Variants in CNNM2 observed in about 807,000 individuals in gnomAD.
The protein encoded by CNNM2 is cyclin and CBS domain divalent metal cation transport mediator 2, also known as metal transporter CNNM2.
Under a neutral mutation model 66.9 loss-of-function variants are expected in CNNM2, and 12 were observed. That is an observed-to-expected ratio of 0.18 (90% CI 0.11 to 0.29). The LOEUF (loss-of-function observed/expected upper bound fraction) is 0.29, where lower values mean the gene tolerates loss of function less well. CNNM2 is among the 10% of genes least tolerant of loss of function. The pLI is 1.00. For missense variants in CNNM2, 705 were observed against 1,167.7 expected (o/e 0.60, Z 5.77); for synonymous variants, 557 against 501.8 (o/e 1.11, Z -1.47).
intron 1 of CNNM2, among the ~76,000 whole-genome samples, chr10:102,948,119 A>G (rs1846687631): frequency 1.3e-5 from 2 of 152,182 alleles, no homozygotes; most frequent in East Asian, 1.9e-4. Context: ...GTAATTTTCT[A>G]TTATCAGGTT....
At chr10:103,032,925 C>T (rs1476440518) in intron 1 of CNNM2, among the ~76,000 whole-genome samples, 1 of 151,456 alleles carries the variant, frequency 6.6e-6, no homozygotes, top group Non-Finnish European at 1.5e-5. Flanking sequence ...TGAGACCAGC[C>T]TGGGCAACAT....
At chr10:103,053,490 T>C (rs1040117957) in intron 2 of CNNM2, among the ~76,000 whole-genome samples, 2 of 152,198 alleles carry the variant, frequency 1.3e-5, no homozygotes, top group Non-Finnish European at 2.9e-5. Flanking sequence ...TACTCCAGCC[T>C]GGGCAATAGA....
chr10:102,969,388 A>G (rs1229423673), intron 1 of CNNM2, among the ~76,000 whole-genome samples: 1 of 149,030 alleles, frequency 6.7e-6, no homozygotes, highest in Non-Finnish European at 1.5e-5. Flanking sequence ...TAATTTTTGT[A>G]TTTTTAGTAG....
chr10:103,015,146 C>T (rs1253211158), intron 1 of CNNM2, among the ~76,000 whole-genome samples: 2 of 152,082 alleles, frequency 1.3e-5, no homozygotes, highest in Non-Finnish European at 2.9e-5. Flanking sequence ...ATATCACTAC[C>T]ATTTATTCAT....
rs1233488496 is a variant in CNNM2 at position 103,049,840 on chromosome 10, A to C, written c.1755A>C (p.Thr585=). The part of the protein sequence containing the change: ...EIIKSEILDE[T]DLYTDNRTKK... The stretch of plus-strand genomic sequence containing the variant: ...TCAAATCTGAGATTCTTGATGAAAC[A>C]GATTTATACAGTAAGTAGCATTGTC... The change falls in exon 2 of 8, where the codon ACA becomes ACC. Residue 585 remains threonine (T), a synonymous_variant. Coordinates refer to ENST00000369878, the MANE Select transcript of CNNM2 (RefSeq NM_017649.5). 1 of 1,613,792 alleles carries C rather than the reference A, an allele frequency of 6.2e-7. No homozygotes were observed. The highest frequency in any genetic ancestry group is 8.5e-7 in the Non-Finnish European group (1 of 1,179,786).
chr10:102,967,884 T>A (rs1366262400), intron 1 of CNNM2, among the ~76,000 whole-genome samples: 1 of 152,216 alleles, frequency 6.6e-6, no homozygotes, highest in Non-Finnish European at 1.5e-5. Flanking sequence ...GGCAAGTGCC[T>A]GTAATCCCAG....
At position 102,979,906 on chromosome 10, in the gene CNNM2, TTTC is replaced by T. The variant is rs549995787; in HGVS notation, c.1621+59808_1621+59810del. ...TAACTACTTTGTTCTCTTCCATCTC[TTTC>T]TTTTCTTTTTATTTTTTTTTTTGAG... On this transcript the variant is annotated intron_variant, in intron 1 of 7. Transcript: ENST00000369878. Among the ~76,000 whole-genome samples, 316 of 151,336 alleles carry T rather than the reference TTTC, an allele frequency of 2.1e-3. 4 individuals are homozygous for T. Among genetic ancestry groups the T allele is most frequent in the African/African-American group, 7.2e-3 (298 of 41,334 alleles).
chr10:103,019,863 TAAGTG>T (rs1410635862), intron 1 of CNNM2, among the ~76,000 whole-genome samples: 1 of 152,162 alleles, frequency 6.6e-6, no homozygotes, highest in Non-Finnish European at 1.5e-5. Flanking sequence ...TTTCAAGACT[TAAGTG>T]AAAGAGGTAA....
At chr10:102,950,061 A>G (rs939942404) in intron 1 of CNNM2, among the ~76,000 whole-genome samples, 2 of 152,216 alleles carry the variant, frequency 1.3e-5, no homozygotes, top group Admixed American at 1.3e-4. Context: ...TGATTCCAGC[A>G]TGACAGCTCC....
At position 103,087,140 on chromosome 10, in the gene CNNM2, A is replaced by ATTTTTTTTTTTTTTTTT. The variant is rs71019655; in HGVS notation, c.*9976_*9992dup. On this transcript the variant is annotated 3_prime_UTR_variant, in exon 8 of 8. Transcript: ENST00000369878. ...TTCTCACGGTATAAAACTCCGCAGG[A>ATTTTTTTTTTTTTTTTT]TTTTTTTTTTTTTTTTTTTTTTTTT... The ATTTTTTTTTTTTTTTTT allele has an allele frequency of 9.2e-4, 69 of 75,368 alleles. 8 individuals are homozygous for ATTTTTTTTTTTTTTTTT. Among genetic ancestry groups the ATTTTTTTTTTTTTTTTT allele is most frequent in the East Asian group, 1.0e-3 (2 of 1,986 alleles). 4.7% of individuals were successfully genotyped at this position (75,368 alleles called of 1,614,324 possible).
At position 102,918,300 on chromosome 10, in the gene CNNM2, C is replaced by G; in HGVS notation, c.-181C>G. On this transcript the variant is annotated 5_prime_UTR_variant, in exon 1 of 8. Transcript: ENST00000369878. The surrounding 1 kb of genome is among the most constrained non-coding windows in gnomAD (Gnocchi z 4.1). ...GAGCAGCCGGCGCTCCTCTCCCTCC[C>G]TCTTTCCCTCCCGCGAGCCTCGGGG... 1 of 1,110,696 alleles carries G rather than the reference C, an allele frequency of 9.0e-7. No individual in the cohort carries two copies. Among genetic ancestry groups the G allele is most frequent in the African/African-American group, 1.6e-5 (1 of 60,636 alleles). 68.8% of individuals were successfully genotyped at this position (1,110,696 alleles called of 1,614,324 possible).
At chr10:102,969,657 T>A (rs1367589210) in intron 1 of CNNM2, among the ~76,000 whole-genome samples, 1 of 152,182 alleles carries the variant, frequency 6.6e-6, no homozygotes, top group Non-Finnish European at 1.5e-5. Context: ...TTGTTTGTTT[T>A]CTTGAGGCGG....
intron 1 of CNNM2, among the ~76,000 whole-genome samples, chr10:103,006,961 T>G (rs1177274794): frequency 1.3e-5 from 2 of 152,194 alleles, no homozygotes; most frequent in Non-Finnish European, 2.9e-5. Flanking sequence ...TTTGAGGCCT[T>G]AAGTTCTATA....
Position 102,922,432 on chromosome 10 carries a change from C to T in CNNM2, c.1621+2331C>T, listed in dbSNP as rs1032587945. Reference sequence around the variant, plus strand: ...ACATTTTACCTGATTTTCATGTCTTCATTTTCTAAATCAATTATGACAGTG... The same window carrying T: ...ACATTTTACCTGATTTTCATGTCTTTATTTTCTAAATCAATTATGACAGTG... On this transcript the variant is annotated intron_variant, in intron 1 of 7. Transcript: ENST00000369878. 6.5e-4 allele frequency among the ~76,000 whole-genome samples: 98 copies of T among 151,854 alleles called. 1 individual carries two copies. The highest frequency in any genetic ancestry group is 6.4e-3 in the Admixed American group (98 of 15,246).
At chr10:102,954,755 A>C (rs143812836) in intron 1 of CNNM2, among the ~76,000 whole-genome samples, 55 of 152,284 alleles carry the variant, frequency 3.6e-4, no homozygotes, top group Non-Finnish European at 6.3e-4. Flanking sequence ...GGACATTGTT[A>C]AGAACCACTT....
At chr10:103,048,258 A>C in intron 1 of CNNM2, among the ~76,000 whole-genome samples, 2 of 128,186 alleles carry the variant, frequency 1.6e-5, no homozygotes, top group Admixed American at 8.6e-5. Context: ...TCTGTTGCCC[A>C]GGCCTGGAGT....
intron 1 of CNNM2, among the ~76,000 whole-genome samples, chr10:102,928,718 G>T (rs1469166049): frequency 2.0e-5 from 3 of 152,138 alleles, no homozygotes; most frequent in Non-Finnish European, 4.4e-5. Flanking sequence ...GGTGAAAAGG[G>T]CCTAAGCTAG....
chr10:103,024,782 T>C (rs1185830339), intron 1 of CNNM2, among the ~76,000 whole-genome samples: 1 of 152,072 alleles, frequency 6.6e-6, no homozygotes, highest in Non-Finnish European at 1.5e-5. Context: ...CCGGCCGATA[T>C]TGGCTTTTTA....
intron 1 of CNNM2, among the ~76,000 whole-genome samples, chr10:102,958,023 G>A (rs573230422): frequency 3.3e-5 from 5 of 152,252 alleles, no homozygotes; most frequent in African/African-American, 4.8e-5. Context: ...TGCAACCTCC[G>A]CCTCCTGGGT....
Sources: gnomAD v4.1 joint callset for allele counts (sites outside exome capture counted in the v4.1 genomes callset) on GRCh38, gnomAD v4.1.1 for gene constraint, Gnocchi (gnomAD v3.1) non-coding constraint, MANE v1.5 for transcripts, NCBI Gene and HGNC (gene_info 2026-07-23, HGNC 2026-07-21) for gene names.